The following CACNA2D1 variants were observed in gnomAD, a reference collection of about 807,000 sequenced individuals.
The protein encoded by CACNA2D1 is calcium voltage-gated channel auxiliary subunit alpha2delta 1, also known as voltage-dependent calcium channel subunit alpha-2/delta-1.
A neutral mutation model predicts 171.5 loss-of-function variants in CACNA2D1; 53 were observed. That is an observed-to-expected ratio of 0.31 (90% CI 0.25 to 0.39). The LOEUF is 0.39. CACNA2D1 is among the 10% of genes least tolerant of loss of function. The pLI is 1.00. For missense variants in CACNA2D1, 903 were observed against 1,299.8 expected, an observed-to-expected ratio of 0.69 and a Z score of 4.69; for synonymous variants, 442 against 443.1, an observed-to-expected ratio of 1.00 and a Z score of 0.03.
intron 20 of CACNA2D1, 129 bp from the exon 21 acceptor site, chr7:81,991,375 A>C: frequency 1.8e-6 from 1 of 562,710 alleles, no homozygotes. Flanking sequence ...GGTATGATCT[A>C]TTTTATTCTA....
chr7:82,066,734 T>C (rs1205129524), intron 7 of CACNA2D1, among the ~76,000 whole-genome samples: 1 of 152,144 alleles, frequency 6.6e-6, no homozygotes, highest in Non-Finnish European at 1.5e-5. Context: ...TGATAGTCGA[T>C]TCTCTTTTTA....
chr7:82,366,104 T>C (rs1821671885), intron 1 of CACNA2D1, among the ~76,000 whole-genome samples: 1 of 152,190 alleles, frequency 6.6e-6, no homozygotes, highest in South Asian at 2.1e-4. Flanking sequence ...AGCACAGATA[T>C]ATAGGCCCAT....
chr7:82,402,014 AG>A (rs1236044854), intron 1 of CACNA2D1, among the ~76,000 whole-genome samples: 1 of 152,220 alleles, frequency 6.6e-6, no homozygotes, highest in Admixed American at 6.5e-5. Context: ...CAGTAAAGAA[AG>A]GCTATCTTTT....
chr7:82,205,902 C>T (rs1037785322), intron 3 of CACNA2D1, among the ~76,000 whole-genome samples: 3 of 151,932 alleles, frequency 2.0e-5, no homozygotes, highest in Non-Finnish European at 2.9e-5. Flanking sequence ...CTTTTCTAAT[C>T]CTTTTCATTT....
At chr7:82,367,788 T>C (rs1821912079) in intron 1 of CACNA2D1, among the ~76,000 whole-genome samples, 1 of 152,184 alleles carries the variant, frequency 6.6e-6, no homozygotes, top group Admixed American at 6.5e-5. Context: ...ATGGACTTTT[T>C]AATCCAATAA....
chr7:82,307,402 C>T (rs1036569569), intron 3 of CACNA2D1, among the ~76,000 whole-genome samples: 3 of 151,792 alleles, frequency 2.0e-5, no homozygotes, highest in African/African-American at 7.3e-5. Flanking sequence ...AGTGATCCTC[C>T]CGCCTCTGCC....
chr7:82,355,789 T>C (rs1275989938), intron 1 of CACNA2D1, among the ~76,000 whole-genome samples: 1 of 152,110 alleles, frequency 6.6e-6, no homozygotes, highest in Non-Finnish European at 1.5e-5. Context: ...CCTTCCTTAC[T>C]TCTCTTTTTC....
At chr7:82,229,966 T>A (rs887402893) in intron 3 of CACNA2D1, among the ~76,000 whole-genome samples, 1 of 152,226 alleles carries the variant, frequency 6.6e-6, no homozygotes, top group East Asian at 1.9e-4. Context: ...CATGTTCTTA[T>A]AAGCACAGCT....
At chr7:81,955,916 G>C (rs1206416526) in intron 38 of CACNA2D1, among the ~76,000 whole-genome samples, 1 of 84,408 alleles carries the variant, frequency 1.2e-5, no homozygotes, top group African/African-American at 4.7e-5. Flanking sequence ...GGGGGGGGGG[G>C]GGGGTGGTGG....
At chr7:81,974,174 C>A (rs2130496182) in intron 25 of CACNA2D1, among the ~76,000 whole-genome samples, 1 of 151,996 alleles carries the variant, frequency 6.6e-6, no homozygotes, top group East Asian at 1.9e-4. Context: ...AATTAAATTT[C>A]CTAAATTTGA....
intron 3 of CACNA2D1, among the ~76,000 whole-genome samples, chr7:82,312,980 T>C (rs1412993145): frequency 6.6e-6 from 1 of 152,200 alleles, no homozygotes; most frequent in Non-Finnish European, 1.5e-5. Flanking sequence ...TAGAAATGCC[T>C]GTTATTAACG....
intron 1 of CACNA2D1, among the ~76,000 whole-genome samples, chr7:82,357,120 A>T (rs1308992065): frequency 6.6e-6 from 1 of 152,196 alleles, no homozygotes; most frequent in Non-Finnish European, 1.5e-5. Flanking sequence ...ATAAACATAT[A>T]GAATATGCAG....
chr7:81,968,816 C>T, intron 29 of CACNA2D1, 71 bp downstream of exon 29: 2 of 855,864 alleles, frequency 2.3e-6, no homozygotes, highest in South Asian at 1.4e-5. Flanking sequence ...ATAAACATTG[C>T]CAGTTTATAA....
chr7:82,043,416 T>C (rs1457782347), intron 10 of CACNA2D1, among the ~76,000 whole-genome samples: 1 of 152,170 alleles, frequency 6.6e-6, no homozygotes, highest in East Asian at 1.9e-4. Flanking sequence ...ATTCATAAGA[T>C]TCAGATAAAC....
chr7:82,380,106 C>A lies in CACNA2D1; in HGVS notation c.96-30457G>T, dbSNP rs544701365. Reference sequence around the variant, plus strand: ...GTTTATTACATTTACATTCTATTTTCAAACTATAATTGTCTCCTATCACAG... The same window carrying A: ...GTTTATTACATTTACATTCTATTTTAAAACTATAATTGTCTCCTATCACAG... On this transcript the variant is annotated intron_variant, in intron 1 of 38. Transcript: ENST00000356860. Among the ~76,000 whole-genome samples the A allele has an allele frequency of 2.6e-5, 4 of 152,228 alleles. No homozygotes were observed. In the East Asian group the frequency reaches 7.7e-4, roughly 29 times the overall value.
intron 10 of CACNA2D1, among the ~76,000 whole-genome samples, chr7:82,056,814 C>G (rs1434326734): frequency 1.3e-5 from 2 of 152,178 alleles, no homozygotes; most frequent in African/African-American, 4.8e-5. Flanking sequence ...GAGGTGTCAT[C>G]AAGTATCACT....
intron 3 of CACNA2D1, among the ~76,000 whole-genome samples, chr7:82,246,952 G>A (rs115399894): frequency 6.6e-4 from 100 of 152,104 alleles, no homozygotes; most frequent in African/African-American, 2.2e-3. Flanking sequence ...CACTTCTCCA[G>A]GTCCATTGCT....
chr7:82,067,532 T>G (rs1807801305), intron 7 of CACNA2D1, among the ~76,000 whole-genome samples: 1 of 152,202 alleles, frequency 6.6e-6, no homozygotes, highest in Admixed American at 6.5e-5. Context: ...ATTTTTTTCT[T>G]ATTAGTAGCT....
At chr7:82,157,662 G>T (rs143506797) in intron 4 of CACNA2D1, among the ~76,000 whole-genome samples, 359 of 152,018 alleles carry the variant, frequency 2.4e-3, no homozygotes, top group African/African-American at 8.5e-3. Context: ...ACGTTATCTT[G>T]AATATATGAT....
Sources: gnomAD v4.1 joint callset for allele counts (sites outside exome capture counted in the v4.1 genomes callset) on GRCh38, gnomAD v4.1.1 for gene constraint, MANE v1.5 for transcripts, NCBI Gene and HGNC (gene_info 2026-07-23, HGNC 2026-07-21) for gene names.